Variants in ZDHHC5 observed in about 807,000 individuals in gnomAD.
The protein encoded by ZDHHC5 is zDHHC palmitoyltransferase 5.
ZDHHC5 carries 22 observed loss-of-function variants against 70.0 expected under a neutral mutation model. That is an observed-to-expected ratio of 0.31 (90% CI 0.22 to 0.45). The LOEUF (loss-of-function observed/expected upper bound fraction) is 0.45. Ranked by LOEUF, ZDHHC5 falls within the 20% of genes least tolerant of loss-of-function variation. The probability of loss-of-function intolerance (pLI) is 1.00; values close to 1 mark genes in which losing one functional copy is unlikely to be tolerated. For synonymous variants in ZDHHC5, 313 were observed against 347.8 expected (o/e 0.90, Z 1.11); for missense variants, 746 against 926.9 (o/e 0.80, Z 2.53).
chr11:57,684,705 A>G (rs897571434), intron 3 of ZDHHC5, among the ~76,000 whole-genome samples: 5 of 152,236 alleles, frequency 3.3e-5, no homozygotes, highest in African/African-American at 4.8e-5. Flanking sequence ...GGAGAGAACC[A>G]TCATCAGTGG....
At chr11:57,692,521 G>A in intron 6 of ZDHHC5, 90 bp from the exon 7 acceptor site, 1 of 1,065,478 alleles carries the variant, frequency 9.4e-7, no homozygotes, top group Non-Finnish European at 1.4e-6. Context: ...CTCAGATAGT[G>A]AGTGCACAAT....
chr11:57,699,167 G>C lies in ZDHHC5; in HGVS notation c.1731G>C (p.Ser577=). The C allele has an allele frequency of 6.2e-7, 1 of 1,614,276 alleles. No individual in the cohort carries two copies. Among genetic ancestry groups the C allele is most frequent in the Non-Finnish European group, 8.5e-7 (1 of 1,180,054 alleles). The change falls in exon 11 of 12, where the codon TCG becomes TCC. Residue 577 remains serine, a synonymous_variant. Transcript: ENST00000287169. The stretch of plus-strand genomic sequence containing the variant: ...CAGGCATTCAGTCAACACCAGGCTC[G>C]GGCCATGCCCCTCGTACTAGTTCCT... The part of the protein sequence containing the change: ...GDSGIQSTPG[S]GHAPRTSSSS...
intron 3 of ZDHHC5, 48 bp from the exon 4 acceptor site, chr11:57,688,457 CTTA>C (rs760625611): frequency 5.6e-4 from 826 of 1,484,924 alleles, no homozygotes; most frequent in Non-Finnish European, 7.1e-4. Context: ...ATCCCTAGCA[CTTA>C]CTACAGTTCT....
intron 3 of ZDHHC5, among the ~76,000 whole-genome samples, chr11:57,686,114 A>C (rs1027719167): frequency 6.6e-6 from 1 of 152,068 alleles, no homozygotes; most frequent in Non-Finnish European, 1.5e-5. Context: ...GACATTTCAA[A>C]ATAAGGAGCA....
chr11:57,690,111 C>T lies in ZDHHC5; in HGVS notation c.465C>T (p.Ser155=). The T allele has an allele frequency of 1.2e-6, 2 of 1,614,026 alleles. No homozygotes were observed. The highest frequency in any genetic ancestry group is 2.2e-5 in the East Asian group (1 of 44,878). The change falls in exon 5 of 12, where the codon TCC becomes TCT. Residue 155 remains serine (S), a synonymous_variant. Coordinates refer to ENST00000287169, the MANE Select transcript of ZDHHC5 (RefSeq NM_015457.3). The part of the protein sequence containing the change: ...NYRYFFLFLL[S]LTAHIMGVFG... ...GTTATTTTTTCCTTTTCCTCCTTTC[C>T]CTGACAGCCCACATTATGGGTGTGT...
At chr11:57,696,541 C>T (rs1330479982) in intron 9 of ZDHHC5, among the ~76,000 whole-genome samples, 1 of 151,976 alleles carries the variant, frequency 6.6e-6, no homozygotes, top group Non-Finnish European at 1.5e-5. Flanking sequence ...CATAGCAAGA[C>T]TCTGTCTCTA....
At position 57,699,255 on chromosome 11, in the gene ZDHHC5, C is replaced by G; in HGVS notation, c.1819C>G (p.Arg607Gly). Residue 607 changes from arginine (R) to glycine (G), a missense_variant, in exon 11 of 12, where the codon CGT (arginine) becomes GGT (glycine). Arg to Gly is a moderately radical substitution (Grantham distance 125, BLOSUM62 -2). Coordinates refer to ENST00000287169, the MANE Select transcript of ZDHHC5 (RefSeq NM_015457.3). ...KTPLGRPAVPRFGKPDGLRGR... is the reference protein window; with the variant it reads ...KTPLGRPAVPGFGKPDGLRGR... ...TCCACTGGGACGCCCAGCTGTCCCC[C>G]GTTTTGGCAAGCCAGATGGGCTAAG... The G allele has an allele frequency of 1.2e-6, 2 of 1,614,194 alleles. No individual in the cohort carries two copies. Among genetic ancestry groups the G allele is most frequent in the East Asian group, 4.5e-5 (2 of 44,884 alleles).
chr11:57,691,346 T>G (rs1946282654), intron 6 of ZDHHC5, among the ~76,000 whole-genome samples: 1 of 152,024 alleles, frequency 6.6e-6, no homozygotes, highest in African/African-American at 2.4e-5. Flanking sequence ...TGCTAAAATA[T>G]CTTTTATTTA....
chr11:57,674,311 C>T (rs1946043889), intron 2 of ZDHHC5, among the ~76,000 whole-genome samples: 1 of 148,168 alleles, frequency 6.7e-6, no homozygotes, highest in African/African-American at 2.4e-5. Flanking sequence ...TTCCCTTTTT[C>T]CTCAGTTTTT....
At chr11:57,675,739 C>G (rs975945887) in intron 2 of ZDHHC5, among the ~76,000 whole-genome samples, 1 of 152,228 alleles carries the variant, frequency 6.6e-6, no homozygotes, top group Non-Finnish European at 1.5e-5. Context: ...CTCATCTCCT[C>G]TTCTCCATCT....
At chr11:57,699,751 A>G (rs1946415244) in intron 11 of ZDHHC5, 115 bp from the exon 12 acceptor site, 2 of 1,362,404 alleles carry the variant, frequency 1.5e-6, no homozygotes, top group Admixed American at 3.9e-5. Context: ...TTTGGGTAAG[A>G]AAGTATGGAT....
chr11:57,693,649 A>C, intron 7 of ZDHHC5, 134 bp from the exon 8 acceptor site: 1 of 1,332,164 alleles, frequency 7.5e-7, no homozygotes, highest in Middle Eastern at 2.7e-4. Context: ...TTGCTAAGTA[A>C]GTGATGGCCA....
At chr11:57,687,257 A>ATT (rs11454134) in intron 3 of ZDHHC5, among the ~76,000 whole-genome samples, 54 of 149,706 alleles carry the variant, frequency 3.6e-4, no homozygotes, top group South Asian at 6.3e-4. Flanking sequence ...TCCTTCCCAC[A>ATT]TTTTTTTTTT....
chr11:57,697,535 C>T (rs574957268), intron 10 of ZDHHC5, among the ~76,000 whole-genome samples: 7 of 147,118 alleles, frequency 4.8e-5, no homozygotes, highest in Admixed American at 6.8e-5. Flanking sequence ...CCCAGCTATT[C>T]GGGAGGCTGA....
At chr11:57,695,287 G>A (rs1306923387) in intron 8 of ZDHHC5, among the ~76,000 whole-genome samples, 1 of 152,046 alleles carries the variant, frequency 6.6e-6, no homozygotes, top group Non-Finnish European at 1.5e-5. Flanking sequence ...AGGTGTGGTG[G>A]CACATGCCTG....
chr11:57,697,388 A>G (rs1946366536), intron 10 of ZDHHC5, among the ~76,000 whole-genome samples: 3 of 152,096 alleles, frequency 2.0e-5, no homozygotes. Context: ...GCGTGAACCC[A>G]GGAAGCGGAG....
Position 57,673,154 on chromosome 11 carries a change from A to G in ZDHHC5, c.64A>G (p.Ile22Val), listed in dbSNP as rs749290840. 5 of 1,613,796 alleles carry G rather than the reference A, an allele frequency of 3.1e-6. No homozygotes were observed. Among genetic ancestry groups the G allele is most frequent in the Admixed American group, 1.7e-5 (1 of 59,984 alleles). ...SKYVPVSAAA[I>V]FLVGATTLFF... is the part of the protein sequence containing the mutation. The stretch of plus-strand genomic sequence containing the variant: ...GTATGTCCCGGTCTCTGCAGCCGCC[A>G]TCTTCCTAGTGGGAGCTACGACACT... Residue 22 changes from isoleucine to valine, a missense_variant, in exon 2 of 12, where the codon ATC becomes GTC. Around this residue, in one of 6 missense-constraint regions of ZDHHC5, gnomAD observed 89 missense variants for 130.7 expected, o/e 0.68. Coordinates refer to ENST00000287169, the MANE Select transcript of ZDHHC5 (RefSeq NM_015457.3).
rs1469701840 is a variant in ZDHHC5 at position 57,700,568 on chromosome 11, GGTTCCCTCTCAT to G, written c.*538_*549del. 6.6e-6 allele frequency: 1 copy of G among 152,378 alleles called. No individual in the cohort carries two copies. The highest frequency in any genetic ancestry group is 1.5e-5 in the Non-Finnish European group (1 of 67,986). The allele number at this position is 152,378 out of a possible 1,614,324, so 9.4% of individuals were successfully genotyped here. A position where few individuals can be genotyped will look rare whatever the true frequency, so the allele number is the denominator to read the frequency against. Reference sequence around the variant, plus strand: ...GGGGAGACGTCAGTCTTTTTCCTGTGGTTCCCTCTCATTTGTCCCAGTTACTAACTACGGAAA... The same window carrying G: ...GGGGAGACGTCAGTCTTTTTCCTGTGTTGTCCCAGTTACTAACTACGGAAA... On this transcript the variant is annotated 3_prime_UTR_variant, in exon 12 of 12. Coordinates refer to ENST00000287169, the MANE Select transcript of ZDHHC5 (RefSeq NM_015457.3).
At chr11:57,671,653 G>C (rs2135374884) in intron 1 of ZDHHC5, among the ~76,000 whole-genome samples, 1 of 152,136 alleles carries the variant, frequency 6.6e-6, no homozygotes, top group Middle Eastern at 3.4e-3. Flanking sequence ...CACTCTTCTT[G>C]TCCAAAGAGA....
Sources: gnomAD v4.1 joint callset for allele counts (sites outside exome capture counted in the v4.1 genomes callset) on GRCh38, gnomAD v4.1.1 for gene constraint, gnomAD v4.1.1 regional missense constraint, MANE v1.5 for transcripts, NCBI Gene and HGNC (gene_info 2026-07-23, HGNC 2026-07-21) for gene names.